The following FRMD4A variants were observed in gnomAD, a reference collection of about 807,000 sequenced individuals.
The protein encoded by FRMD4A is FERM domain-containing protein 4A.
A neutral mutation model predicts 129.1 loss-of-function variants in FRMD4A; 29 were observed. That is an observed-to-expected ratio of 0.22 (90% CI 0.17 to 0.31). The LOEUF (loss-of-function observed/expected upper bound fraction) is 0.31. Ranked by LOEUF, FRMD4A falls within the 10% of genes least tolerant of loss-of-function variation. FRMD4A has a pLI of 1.00. For synonymous variants in FRMD4A, 634 were observed against 571.6 expected (o/e 1.11, Z -1.56); for missense variants, 1,272 against 1,375.8 (o/e 0.92, Z 1.19).
chr10:13,969,172 C>T (rs1339228296), intron 2 of FRMD4A, among the ~76,000 whole-genome samples: 2 of 152,222 alleles, frequency 1.3e-5, no homozygotes, highest in African/African-American at 4.8e-5. Flanking sequence ...CTAACCAGTC[C>T]TTGTTCACTG....
chr10:13,923,131 T>A (rs1253856631), intron 2 of FRMD4A, among the ~76,000 whole-genome samples: 1 of 152,180 alleles, frequency 6.6e-6, no homozygotes, highest in Non-Finnish European at 1.5e-5. Context: ...GAGTGGATGG[T>A]CTGTATCGAG....
chr10:14,126,906 G>A (rs959658152), intron 2 of FRMD4A, among the ~76,000 whole-genome samples: 8 of 152,004 alleles, frequency 5.3e-5, no homozygotes, highest in South Asian at 4.1e-4. Context: ...ATTGTGGCTC[G>A]GGTTCCTTGG....
At chr10:14,030,014 T>C (rs1833161999) in intron 2 of FRMD4A, among the ~76,000 whole-genome samples, 1 of 152,174 alleles carries the variant, frequency 6.6e-6, no homozygotes, top group African/African-American at 2.4e-5. Context: ...AAGACACATA[T>C]ACTGCATCAT....
intron 2 of FRMD4A, among the ~76,000 whole-genome samples, chr10:13,992,362 C>T (rs559249211): frequency 8.0e-4 from 122 of 152,264 alleles, no homozygotes; most frequent in African/African-American, 2.6e-3. Context: ...CACATCTAAC[C>T]GGATTCATGA....
At chr10:14,247,331 A>G (rs1844278081) in intron 2 of FRMD4A, among the ~76,000 whole-genome samples, 1 of 152,236 alleles carries the variant, frequency 6.6e-6, no homozygotes, top group Non-Finnish European at 1.5e-5. Context: ...CTGAGGAACT[A>G]GATTCAAACC....
At chr10:14,156,892 G>A (rs1427336832) in intron 2 of FRMD4A, among the ~76,000 whole-genome samples, 1 of 152,178 alleles carries the variant, frequency 6.6e-6, no homozygotes, top group Admixed American at 6.5e-5. Flanking sequence ...GACTCTTCAT[G>A]AAAACATTAG....
intron 3 of FRMD4A, among the ~76,000 whole-genome samples, chr10:13,840,637 A>G (rs2130972614): frequency 6.6e-6 from 1 of 151,498 alleles, no homozygotes; most frequent in South Asian, 2.1e-4. Context: ...AAAAATATGA[A>G]AATTAGCTGG....
intron 4 of FRMD4A, among the ~76,000 whole-genome samples, chr10:13,801,283 T>C (rs1011874414): frequency 3.3e-5 from 5 of 151,194 alleles, no homozygotes; most frequent in Non-Finnish European, 7.4e-5. Context: ...AAAAAAAAAA[T>C]GGTCAGGAAG....
chr10:13,937,352 G>A (rs1276386348), intron 2 of FRMD4A, among the ~76,000 whole-genome samples: 1 of 152,168 alleles, frequency 6.6e-6, no homozygotes, highest in Non-Finnish European at 1.5e-5. Flanking sequence ...GTCAGCAGAT[G>A]AACTAAAAAA....
intron 3 of FRMD4A, among the ~76,000 whole-genome samples, chr10:13,848,609 C>CGTGTGTGTGTGTGTGTGTGTGTGT (rs59271113): frequency 8.1e-6 from 1 of 124,018 alleles, no homozygotes; most frequent in Non-Finnish European, 1.8e-5. Flanking sequence ...TGTGTGTGTA[C>CGTGTGTGTGTGTGTGTGTGTGTGT]GTGTGTGTGT....
Position 13,925,566 on chromosome 10 carries a change from C to CTTTTTTTTTTTTT in FRMD4A, c.46-66667_46-66655dup, listed in dbSNP as rs66980805. ...TGAAAGTTTCTATTGTAGTGAAACG[C>CTTTTTTTTTTTTT]TTTTTTTTTTTTTTTTTTTTTTTTT... On this transcript the variant is annotated intron_variant, in intron 2 of 24. Coordinates refer to ENST00000357447, the MANE Select transcript of FRMD4A (RefSeq NM_018027.5). Among the ~76,000 whole-genome samples the CTTTTTTTTTTTTT allele has an allele frequency of 3.2e-3, 198 of 61,924 alleles. 39 individuals carry two copies. The highest frequency in any genetic ancestry group is 0.027 in the Middle Eastern group (2 of 74). The allele number at this position is 61,924 out of a possible 152,430, so 40.6% of individuals were successfully genotyped here. A position where few individuals can be genotyped will look rare whatever the true frequency, so the allele number is the denominator to read the frequency against.
intron 2 of FRMD4A, among the ~76,000 whole-genome samples, chr10:14,223,496 C>A (rs1294122960): frequency 1.3e-5 from 2 of 152,132 alleles, no homozygotes; most frequent in African/African-American, 4.8e-5. Flanking sequence ...AATCCCAGCA[C>A]TTTTGGAGGT....
chr10:14,232,359 A>G (rs1843666648), intron 2 of FRMD4A, among the ~76,000 whole-genome samples: 1 of 152,190 alleles, frequency 6.6e-6, no homozygotes. Flanking sequence ...GAAGTTGGGT[A>G]ATGTGATGCC....
intron 2 of FRMD4A, among the ~76,000 whole-genome samples, chr10:14,073,505 C>T (rs77128928): frequency 0.033 from 5,033 of 152,156 alleles, 132 homozygotes; most frequent in African/African-American, 0.08. Context: ...ACCAAGGACC[C>T]TGGATATACC....
intron 12 of FRMD4A, chr10:13,707,324 AT>A: frequency 8.3e-7 from 1 of 1,197,912 alleles, no homozygotes; most frequent in Non-Finnish European, 1.1e-6. Flanking sequence ...GTGGGTGTGG[AT>A]TTTCCTGCAG....
chr10:14,091,521 C>T (rs959180795), intron 2 of FRMD4A, among the ~76,000 whole-genome samples: 15 of 152,054 alleles, frequency 9.9e-5, no homozygotes, highest in African/African-American at 3.4e-4. Flanking sequence ...GCAACCTCCG[C>T]CTCCCGGGTT....
intron 2 of FRMD4A, among the ~76,000 whole-genome samples, chr10:14,103,541 T>A (rs999774698): frequency 2.0e-5 from 3 of 152,108 alleles, no homozygotes; most frequent in Non-Finnish European, 4.4e-5. Flanking sequence ...GCAGACTGTT[T>A]TTGTCGCAAA....
chr10:13,678,030 A>C (rs1366138554), intron 15 of FRMD4A, among the ~76,000 whole-genome samples: 2 of 152,236 alleles, frequency 1.3e-5, no homozygotes, highest in Non-Finnish European at 2.9e-5. Flanking sequence ...GGCACAAATT[A>C]CAAATGAAAC....
At chr10:13,881,160 G>A (rs897755359) in intron 2 of FRMD4A, among the ~76,000 whole-genome samples, 3 of 151,346 alleles carry the variant, frequency 2.0e-5, no homozygotes, top group African/African-American at 7.3e-5. Context: ...GTTCACACCT[G>A]TAATCCCAGA....
Sources: gnomAD v4.1 joint callset for allele counts (sites outside exome capture counted in the v4.1 genomes callset) on GRCh38, gnomAD v4.1.1 for gene constraint, MANE v1.5 for transcripts, NCBI Gene and HGNC (gene_info 2026-07-23, HGNC 2026-07-21) for gene names.